Variants in MAP3K5 observed in about 807,000 individuals in gnomAD.
MAP3K5 encodes the protein ASK-1.
A neutral mutation model predicts 158.7 loss-of-function variants in MAP3K5; 56 were observed. That is an observed-to-expected ratio of 0.35 (90% CI 0.28 to 0.44). MAP3K5 has a LOEUF of 0.44. Ranked by LOEUF, MAP3K5 falls within the 20% of genes least tolerant of loss-of-function variation. The probability of loss-of-function intolerance (pLI) is 1.00; values close to 1 mark genes in which losing one functional copy is unlikely to be tolerated. For missense variants in MAP3K5, 1,294 were observed against 1,674.8 expected (o/e 0.77, Z 3.97); for synonymous variants, 579 against 601.7 (o/e 0.96, Z 0.55).
intron 13 of MAP3K5, among the ~76,000 whole-genome samples, chr6:136,639,140 T>C (rs6917580): frequency 0.59 from 88,824 of 151,804 alleles, 26,490 homozygotes; most frequent in South Asian, 0.71. Flanking sequence ...TTTTAAAGCC[T>C]ACCAGGTGGA....
Position 136,717,028 on chromosome 6 carries a change from C to T in MAP3K5, c.588+3422G>A, listed in dbSNP as rs1366997300. 3.3e-5 allele frequency among the ~76,000 whole-genome samples: 5 copies of T among 151,454 alleles called. No homozygotes were observed. In the South Asian group the frequency reaches 6.2e-4, roughly 19 times the overall value. On this transcript the variant is annotated intron_variant, in intron 2 of 29. Coordinates refer to ENST00000359015, the MANE Select transcript of MAP3K5 (RefSeq NM_005923.4). The stretch of plus-strand genomic sequence containing the variant: ...TAAAAATTAGCCAGGCATGGTGGCA[C>T]GTGCCTATAATCCCAGCTACTCTGG...
At chr6:136,618,405 T>C (rs1477629104) in intron 15 of MAP3K5, among the ~76,000 whole-genome samples, 1 of 152,266 alleles carries the variant, frequency 6.6e-6, no homozygotes, top group Non-Finnish European at 1.5e-5. Flanking sequence ...AAATCACATA[T>C]ACCAACTGCA....
At chr6:136,652,920 T>A (rs561209505) in intron 10 of MAP3K5, among the ~76,000 whole-genome samples, 1 of 152,246 alleles carries the variant, frequency 6.6e-6, no homozygotes, top group African/African-American at 2.4e-5. Flanking sequence ...GACCAGGGAA[T>A]GGAGGCAATT....
intron 1 of MAP3K5, among the ~76,000 whole-genome samples, chr6:136,741,596 C>T (rs1267290778): frequency 6.6e-6 from 1 of 151,102 alleles, no homozygotes; most frequent in Non-Finnish European, 1.5e-5. Flanking sequence ...CAAAGCTGTC[C>T]CCTGTCACCA....
chr6:136,752,984 C>G (rs1019567810), intron 1 of MAP3K5, among the ~76,000 whole-genome samples: 2 of 152,152 alleles, frequency 1.3e-5, no homozygotes, highest in African/African-American at 4.8e-5. Flanking sequence ...CACCACCACC[C>G]CATAGTTCTT....
rs1775363610 is a variant in MAP3K5 at position 136,591,053 on chromosome 6, GT to G, written c.3225+1119del. ...TGAATAAGTCTCATGAGATCTGATG[GT>G]TTTACAAATGGGAATTCCCCTGCAC... On this transcript the variant is annotated intron_variant, in intron 23 of 29. Coordinates refer to ENST00000359015, the MANE Select transcript of MAP3K5 (RefSeq NM_005923.4). Among the ~76,000 whole-genome samples the G allele has an allele frequency of 2.6e-5, 4 of 152,240 alleles. No homozygotes were observed. The South Asian group carries it at 8.3e-4, about 32-fold the overall frequency.
chr6:136,574,682 A>ATTT (rs1774520003), intron 25 of MAP3K5, among the ~76,000 whole-genome samples: 3 of 115,142 alleles, frequency 2.6e-5, no homozygotes, highest in African/African-American at 6.8e-5. Flanking sequence ...AAGATTAAAC[A>ATTT]CTTTTTTTTT....
Position 136,694,122 on chromosome 6 carries a change from T to C in MAP3K5, c.1253+18A>G. On this transcript the variant is annotated intron_variant, in intron 7 of 29. Transcript: ENST00000359015. ...GGATTTACTAAGTAAGTAGCTCATT[T>C]ATATACTATTTACTTACCAAGAAGC... 2.5e-6 allele frequency: 4 copies of C among 1,595,112 alleles called. No individual in the cohort carries two copies. The highest frequency in any genetic ancestry group is 3.4e-6 in the Non-Finnish European group (4 of 1,171,580).
At chr6:136,584,574 A>G (rs1274785255) in intron 23 of MAP3K5, 1 of 152,250 alleles carries the variant, frequency 6.6e-6, no homozygotes, top group Non-Finnish European at 1.5e-5. Context: ...ACAGCACAGG[A>G]AAGACCTGCC....
At chr6:136,634,768 T>C (rs1020877667) in intron 14 of MAP3K5, among the ~76,000 whole-genome samples, 6 of 151,930 alleles carry the variant, frequency 3.9e-5, no homozygotes, top group African/African-American at 1.4e-4. Flanking sequence ...GGTTTCACCA[T>C]GTTGGCCAGG....
intron 8 of MAP3K5, among the ~76,000 whole-genome samples, chr6:136,665,633 A>C (rs1779197210): frequency 6.6e-6 from 1 of 152,214 alleles, no homozygotes; most frequent in Non-Finnish European, 1.5e-5. Flanking sequence ...GGCCTGAGCC[A>C]CCACGCCCAG....
upstream of MAP3K5, chr6:136,792,526 G>A: frequency 3.9e-6 from 1 of 253,180 alleles, no homozygotes; most frequent in Non-Finnish European, 6.0e-6. The surrounding 1 kb of genome is among the most constrained non-coding windows in gnomAD (Gnocchi z 5.7). Context: ...TCGGGGTGCA[G>A]CCCGCCCTCG....
chr6:136,767,565 C>G (rs1452142255), intron 1 of MAP3K5, among the ~76,000 whole-genome samples: 1 of 151,464 alleles, frequency 6.6e-6, no homozygotes, highest in African/African-American at 2.4e-5. Context: ...GTCCAGCTGT[C>G]ATGAAAATCA....
intron 21 of MAP3K5, among the ~76,000 whole-genome samples, chr6:136,597,857 A>T (rs1775701312): frequency 6.6e-6 from 1 of 152,232 alleles, no homozygotes; most frequent in Non-Finnish European, 1.5e-5. Flanking sequence ...TACTACCCAC[A>T]TATGGTTATT....
chr6:136,664,467 T>C (rs894997075), intron 8 of MAP3K5, among the ~76,000 whole-genome samples: 6 of 151,896 alleles, frequency 4.0e-5, no homozygotes, highest in African/African-American at 1.2e-4. Flanking sequence ...CATGGAAAAA[T>C]TGTCTTCCAC....
At chr6:136,673,740 T>C (rs1316880733) in intron 7 of MAP3K5, among the ~76,000 whole-genome samples, 7 of 138,456 alleles carry the variant, frequency 5.1e-5, no homozygotes, top group Non-Finnish European at 9.4e-5. Context: ...CACACACACA[T>C]AAAACAACAA....
intron 11 of MAP3K5, among the ~76,000 whole-genome samples, chr6:136,649,189 C>T (rs1005761893): frequency 3.9e-5 from 6 of 152,054 alleles, no homozygotes; most frequent in Non-Finnish European, 7.4e-5. Flanking sequence ...AGGCTGATCT[C>T]GAACTCCTGA....
intron 23 of MAP3K5, 40 bp downstream of exon 23, chr6:136,592,133 T>C (rs1355432079): frequency 9.2e-6 from 14 of 1,518,742 alleles, no homozygotes; most frequent in African/African-American, 2.8e-5. Flanking sequence ...AGATAAAATA[T>C]GTAACCTTTG....
chr6:136,661,337 G>GA (rs1394843969), intron 8 of MAP3K5, among the ~76,000 whole-genome samples: 5 of 151,346 alleles, frequency 3.3e-5, no homozygotes, highest in African/African-American at 4.9e-5. Context: ...TTCACGAGAT[G>GA]AAAAAAAAAT....
Sources: allele counts gnomAD v4.1 joint callset (sites outside exome capture counted in the v4.1 genomes callset), GRCh38; gene constraint gnomAD v4.1.1; non-coding constraint Gnocchi (gnomAD v3.1); transcripts MANE v1.5; gene names NCBI Gene and HGNC (gene_info 2026-07-23, HGNC 2026-07-21).